Variants in ATP2C1 observed in about 807,000 individuals in gnomAD.
The protein encoded by ATP2C1 is ATPase secretory pathway Ca2+ transporting 1.
Under a neutral mutation model 120.5 loss-of-function variants are expected in ATP2C1, and 31 were observed. The observed-to-expected ratio is 0.26, with a 90% CI of 0.19 to 0.35. ATP2C1 has a LOEUF of 0.35. Among genes scored for constraint, ATP2C1 ranks in the 10% least tolerant of loss-of-function variants. The pLI is 1.00. For missense variants in ATP2C1, 731 were observed against 1,107.5 expected, an observed-to-expected ratio of 0.66 and a Z score of 4.83; for synonymous variants, 351 against 358.7, an observed-to-expected ratio of 0.98 and a Z score of 0.24.
rs201348933 is a variant in ATP2C1, at chr3:131,000,571, A to G, written c.2630-649A>G. Among the ~76,000 whole-genome samples, 6 of 152,240 alleles carry G rather than the reference A, an allele frequency of 3.9e-5. No individual in the cohort carries two copies. The East Asian group carries it at 1.2e-3, about 29-fold the overall frequency. ...AATTGTCTACTACTGTTGATACAGT[A>G]CTTTTTTAAAGGGCTGTGTGATCTA... On this transcript the variant is annotated intron_variant, in intron 27 of 27. Transcript: ENST00000510168.
At chr3:130,850,816 T>G in exon 1 of ATP2C1, 3 of 1,409,606 alleles carry the variant, frequency 2.1e-6, no homozygotes, top group Non-Finnish European at 2.8e-6. Context: ...CTTGCTTTCC[T>G]CACTATGGAT....
intron 26 of ATP2C1, among the ~76,000 whole-genome samples, chr3:131,008,194 T>G (rs1022262455): frequency 6.6e-6 from 1 of 152,086 alleles, no homozygotes; most frequent in Non-Finnish European, 1.5e-5. Context: ...TCCCAGCACT[T>G]TGAGAGGCTG....
chr3:130,903,686 CCATTTCCCCTTTCCCCTTT>C (rs1559901769), intron 2 of ATP2C1, among the ~76,000 whole-genome samples: 3 of 139,652 alleles, frequency 2.1e-5, no homozygotes, highest in Admixed American at 7.3e-5. Flanking sequence ...TTCCCCTTTC[CCATTTCCCCTTTCCCCTTT>C]CCTTTCCTTT....
At position 130,932,216 on chromosome 3, in the gene ATP2C1, T is replaced by C. The variant is rs116515829; in HGVS notation, c.234+78T>C. 7.5e-3 allele frequency: 6,994 copies of C among 927,170 alleles called. 304 individuals carry two copies. In the African/African-American group the frequency reaches 0.095, roughly 13 times the overall value. The allele number at this position is 927,170 out of a possible 1,614,324, so 57.4% of individuals were successfully genotyped here. On this transcript the variant is annotated intron_variant, in intron 4 of 27. Transcript: ENST00000510168. The stretch of plus-strand genomic sequence containing the variant: ...TCTGTTATGTAGTTGCTTACTTTTG[T>C]GATACTGTTTATGGAGAAAGGAAAT...
intron 2 of ATP2C1, among the ~76,000 whole-genome samples, chr3:130,897,458 A>G (rs1359387987): frequency 6.6e-6 from 1 of 152,212 alleles, no homozygotes; most frequent in East Asian, 1.9e-4. Context: ...CCGCCAGAGC[A>G]ATGTTTGACA....
At position 130,941,595 on chromosome 3, in the gene ATP2C1, C is replaced by T. The variant is rs182847851; in HGVS notation, c.427C>T (p.Arg143Cys). ...KLVPPECHCVREGKLEHTLAR... is the reference protein window; with the variant it reads ...KLVPPECHCVCEGKLEHTLAR... Reference sequence around the variant, plus strand: ...TGTTTCTATTTCGTGTTACAGTGTGCGTGAAGGAAAATTGGAGCATACACT... The same window carrying T: ...TGTTTCTATTTCGTGTTACAGTGTGTGTGAAGGAAAATTGGAGCATACACT... The change falls in exon 8 of 28, where the codon CGT (arginine) becomes TGT (cysteine). Residue 143 changes from arginine to cysteine, a missense_variant. Transcript: ENST00000510168. 3.1e-6 allele frequency: 5 copies of T among 1,612,194 alleles called. No homozygotes were observed. In the African/African-American group the frequency reaches 4.0e-5, roughly 13 times the overall value.
At chr3:130,964,524 C>T (rs935393012) in intron 13 of ATP2C1, among the ~76,000 whole-genome samples, 1 of 151,944 alleles carries the variant, frequency 6.6e-6, no homozygotes, top group African/African-American at 2.4e-5. Context: ...TTTGAAACTC[C>T]AAAAATGTAC....
chr3:130,975,833 T>C (rs753965059), intron 18 of ATP2C1, among the ~76,000 whole-genome samples: 1 of 152,178 alleles, frequency 6.6e-6, no homozygotes, highest in African/African-American at 2.4e-5. Context: ...CAAAAATACT[T>C]TTCTAAAAAT....
chr3:130,997,912 T>C (rs2062706440), intron 25 of ATP2C1, among the ~76,000 whole-genome samples, 159 bp downstream of exon 25: 1 of 152,174 alleles, frequency 6.6e-6, no homozygotes, highest in African/African-American at 2.4e-5. Flanking sequence ...TCCATCTTTA[T>C]GGATAAATAA....
chr3:130,999,408 A>G, intron 26 of ATP2C1, 110 bp from the exon 27 acceptor site: 1 of 1,047,540 alleles, frequency 9.5e-7, no homozygotes, highest in Non-Finnish European at 1.5e-6. Context: ...TTGACATTGC[A>G]CAATTCAGTG....
intron 8 of ATP2C1, among the ~76,000 whole-genome samples, chr3:130,942,383 G>A (rs563501238): frequency 6.1e-4 from 93 of 152,342 alleles, no homozygotes; most frequent in Non-Finnish European, 1.1e-3. Context: ...TCTGGCTACA[G>A]TGTGTAGAAT....
In ATP2C1 at chr3:130,902,284, G is replaced by GTTTTTTTTTTTTTTTTT. The variant is rs1157956407; in HGVS notation, c.6+7521_6+7522insTTTTTTTTTTTTTTTTT. ...TTAACTGCTAATTTCAAGGCTTCAC[G>GTTTTTTTTTTTTTTTTT]TTTTTTTTTTTTGTTTTTTTTTTTT... On this transcript the variant is annotated intron_variant, in intron 2 of 27. Transcript: ENST00000510168. Among the ~76,000 whole-genome samples the GTTTTTTTTTTTTTTTTT allele has an allele frequency of 9.2e-5, 6 of 65,504 alleles. 1 individual carries two copies. Among genetic ancestry groups the GTTTTTTTTTTTTTTTTT allele is most frequent in the African/African-American group, 3.4e-4 (6 of 17,720 alleles). The allele number at this position is 65,504 out of a possible 152,430, so 43.0% of individuals were successfully genotyped here.
At chr3:130,880,648 A>G (rs186750057) in intron 1 of ATP2C1, among the ~76,000 whole-genome samples, 10 of 152,230 alleles carry the variant, frequency 6.6e-5, no homozygotes, top group African/African-American at 2.4e-4. Context: ...CTTCTCTATC[A>G]TTTATCTCAT....
exon 27 of ATP2C1, chr3:131,016,251 C>T: frequency 6.2e-7 from 1 of 1,614,124 alleles, no homozygotes; most frequent in Non-Finnish European, 8.5e-7. Flanking sequence ...TGTCTAAGTC[C>T]AGTCTTGTGC....
intron 20 of ATP2C1, among the ~76,000 whole-genome samples, chr3:130,985,419 G>A (rs1212198810): frequency 6.6e-6 from 1 of 152,138 alleles, no homozygotes; most frequent in African/African-American, 2.4e-5. Flanking sequence ...GATTGCCTGA[G>A]GTCAGGATTT....
chr3:130,937,490 A>T, intron 6 of ATP2C1, 27 bp downstream of exon 6: 1 of 1,600,644 alleles, frequency 6.2e-7, no homozygotes, highest in Non-Finnish European at 8.6e-7. Flanking sequence ...GCCAACATGA[A>T]AATGGTATGT....
chr3:130,985,305 C>T (rs1241306046), intron 20 of ATP2C1, among the ~76,000 whole-genome samples: 1 of 152,032 alleles, frequency 6.6e-6, no homozygotes, highest in Admixed American at 6.6e-5. Flanking sequence ...AAATAATACT[C>T]ACAATTTAAA....
upstream of ATP2C1, chr3:130,893,842 C>T (rs939225245): frequency 4.8e-6 from 4 of 825,472 alleles, no homozygotes; most frequent in African/African-American, 7.4e-5. Flanking sequence ...AGGCGGGCCA[C>T]CAACCCCGAG....
intron 21 of ATP2C1, 91 bp from the exon 22 acceptor site, chr3:130,993,841 A>G: frequency 7.5e-7 from 1 of 1,339,038 alleles, no homozygotes; most frequent in South Asian, 1.2e-5. Flanking sequence ...AATTATGTGA[A>G]AAAAATAGGG....
Sources: gnomAD v4.1 joint callset for allele counts (sites outside exome capture counted in the v4.1 genomes callset) on GRCh38, gnomAD v4.1.1 for gene constraint, MANE v1.5 for transcripts, NCBI Gene and HGNC (gene_info 2026-07-23, HGNC 2026-07-21) for gene names.